CDHR2: variants seen among roughly 807,000 people sequenced by gnomAD.
The protein encoded by CDHR2 is cadherin related family member 2.
In CDHR2, 104 loss-of-function variants were observed where a neutral mutation model predicts 138.6. The ratio of observed to expected loss-of-function variants is 0.75; its 90% CI spans 0.64 to 0.88. The LOEUF is 0.88. Among genes scored for constraint, CDHR2 ranks in the 40% least tolerant of loss-of-function variants. The pLI is 0.00. For synonymous variants in CDHR2, 755 were observed against 742.8 expected, an observed-to-expected ratio of 1.02 and a Z score of -0.27; for missense variants, 1,624 against 1,727.6, an observed-to-expected ratio of 0.94 and a Z score of 1.06.
rs1757867519 is a variant in CDHR2, at chr5:176,557,691, TTTCTTTC to T, written c.-15-7644_-15-7638del. On this transcript the variant is annotated intron_variant, in intron 1 of 31. Transcript: ENST00000261944. The stretch of plus-strand genomic sequence containing the variant: ...GTCATTATCTGTTGATTTTTTTTTC[TTTCTTTC>T]TTTCTTTCTTTCTTTTTTTTTTATT... Among the ~76,000 whole-genome samples, 6 of 33,490 alleles carry T rather than the reference TTTCTTTC, an allele frequency of 1.8e-4. No individual in the cohort carries two copies. The Admixed American group carries it at 2.1e-3, about 12-fold the overall frequency. 22.0% of individuals were successfully genotyped at this position (33,490 alleles called of 152,430 possible).
chr5:176,560,678 C>T (rs567215561), intron 1 of CDHR2, among the ~76,000 whole-genome samples: 1 of 152,358 alleles, frequency 6.6e-6, no homozygotes, highest in East Asian at 1.9e-4. Context: ...CTCACCATTG[C>T]CTTCCCATTG....
intron 1 of CDHR2, among the ~76,000 whole-genome samples, chr5:176,551,296 T>A (rs955747129): frequency 3.3e-5 from 5 of 151,734 alleles, no homozygotes; most frequent in Non-Finnish European, 7.4e-5. Flanking sequence ...GCCTCCCGAA[T>A]AGCTGGGATT....
At chr5:176,571,037 C>CAA (rs535234193) in intron 5 of CDHR2, among the ~76,000 whole-genome samples, 176 bp from the exon 6 acceptor site, 1,532 of 53,270 alleles carry the variant, frequency 0.029, 272 homozygotes, top group Middle Eastern at 0.062. Context: ...CTGGTCTCTA[C>CAA]AAAAAAAAAA....
chr5:176,565,268 A>G, intron 1 of CDHR2, 70 bp from the exon 2 acceptor site: 3 of 1,128,484 alleles, frequency 2.7e-6, no homozygotes, highest in Non-Finnish European at 4.1e-6. Flanking sequence ...GGTCAGACCC[A>G]GGCAGATGGG....
intron 16 of CDHR2, among the ~76,000 whole-genome samples, chr5:176,579,951 C>T (rs967629990): frequency 1.3e-5 from 2 of 152,166 alleles, no homozygotes; most frequent in Non-Finnish European, 1.5e-5. Flanking sequence ...GAAGCGCCAA[C>T]CTGGCCTGGA....
intron 21 of CDHR2, among the ~76,000 whole-genome samples, chr5:176,587,784 G>A (rs1758704460): frequency 1.3e-5 from 2 of 152,180 alleles, no homozygotes; most frequent in South Asian, 4.1e-4. Context: ...TAAGGACAGG[G>A]TCTCTCGGAG....
chr5:176,574,073 C>G lies in CDHR2; in HGVS notation c.406-10C>G, dbSNP rs761268390. On this transcript the variant is annotated splice_polypyrimidine_tract_variant and intron_variant, in intron 6 of 31. Coordinates refer to ENST00000261944, the MANE Select transcript of CDHR2 (RefSeq NM_017675.6). ...ATTTGAGCTCATAGGTGACGAGTCCCTCCCTGCAGACCCTGCCCGTGGGCA... is the reference window on the plus strand; with the variant it reads ...ATTTGAGCTCATAGGTGACGAGTCCGTCCCTGCAGACCCTGCCCGTGGGCA... 1.2e-6 allele frequency: 2 copies of G among 1,611,444 alleles called. No homozygotes were observed. The highest frequency in any genetic ancestry group is 4.5e-5 in the East Asian group (2 of 44,888).
chr5:176,554,665 T>C (rs543500183), intron 1 of CDHR2, among the ~76,000 whole-genome samples: 1 of 152,224 alleles, frequency 6.6e-6, no homozygotes, highest in Admixed American at 6.5e-5. Context: ...TTGTTTTTGT[T>C]TTGTTTTGTT....
exon 1 of CDHR2, chr5:176,542,738 G>C (rs1339803286): frequency 6.6e-6 from 1 of 152,314 alleles, no homozygotes. Flanking sequence ...GACTCTCTCC[G>C]GACCCCGCAG....
At chr5:176,550,736 C>G (rs944864247) in intron 1 of CDHR2, among the ~76,000 whole-genome samples, 8 of 152,184 alleles carry the variant, frequency 5.3e-5, no homozygotes, top group Non-Finnish European at 1.2e-4. Context: ...ACCCCGGGGG[C>G]TCCCCACACT....
Position 176,584,754 on chromosome 5 carries a change from C to T in CDHR2, c.2473C>T (p.His825Tyr). 1 of 1,614,216 alleles carries T rather than the reference C, an allele frequency of 6.2e-7. No individual in the cohort carries two copies. ...CCGTGTGGCTGAGAATGGCTCACAG[C>T]ACGGCCAGGTGGCTGTGGTGGTTGC... Reference protein sequence around the residue: ...GIRVAENGSQHGQVAVVVASD... With the variant: ...GIRVAENGSQYGQVAVVVASD... Residue 825 changes from histidine (H) to tyrosine (Y), a missense_variant, in exon 19 of 32, where the codon CAC (histidine) becomes TAC (tyrosine). His to Tyr is a moderately conservative substitution (Grantham distance 83). Around this residue, in one of 3 missense-constraint regions of CDHR2, gnomAD observed 1,061 missense variants for 1,136.6 expected, o/e 0.93. Coordinates refer to ENST00000261944, the MANE Select transcript of CDHR2 (RefSeq NM_017675.6).
chr5:176,547,071 C>T (rs570418446), upstream of CDHR2, among the ~76,000 whole-genome samples: 3 of 151,976 alleles, frequency 2.0e-5, no homozygotes, highest in South Asian at 2.1e-4. Context: ...CTCTGCCTCC[C>T]GGGTTCAAGT....
chr5:176,582,425 CACAA>C (rs1486790233), intron 17 of CDHR2, among the ~76,000 whole-genome samples: 1 of 152,116 alleles, frequency 6.6e-6, no homozygotes, highest in Non-Finnish European at 1.5e-5. Context: ...AACTCAGCCT[CACAA>C]AATGCTGGGA....
chr5:176,580,253 G>A (rs967638214), intron 16 of CDHR2, among the ~76,000 whole-genome samples: 22 of 152,246 alleles, frequency 1.4e-4, no homozygotes, highest in African/African-American at 5.1e-4. Flanking sequence ...TGACGGCCGG[G>A]CATGGTGGCT....
intron 21 of CDHR2, among the ~76,000 whole-genome samples, chr5:176,588,701 CTG>C (rs1317419827): frequency 5.1e-5 from 6 of 118,808 alleles, no homozygotes; most frequent in South Asian, 5.4e-4. Flanking sequence ...GTGAGAGAGA[CTG>C]TGTGTGTGAG....
At chr5:176,586,396 G>A (rs573630779) in intron 20 of CDHR2, among the ~76,000 whole-genome samples, 50 of 152,296 alleles carry the variant, frequency 3.3e-4, no homozygotes, top group Admixed American at 1.8e-3. Flanking sequence ...GGGTTTCATT[G>A]TGTTGGCCAG....
chr5:176,564,535 A>T (rs1032915553), intron 1 of CDHR2, among the ~76,000 whole-genome samples: 4 of 152,196 alleles, frequency 2.6e-5, no homozygotes, highest in Admixed American at 2.0e-4. Flanking sequence ...TCTCTCTGTG[A>T]CAGTGAATCA....
intron 1 of CDHR2, among the ~76,000 whole-genome samples, chr5:176,563,784 T>G (rs1252535131): frequency 6.6e-6 from 1 of 152,230 alleles, no homozygotes; most frequent in Non-Finnish European, 1.5e-5. Flanking sequence ...GTGGGGCCGT[T>G]TAGTCAGTGG....
intron 1 of CDHR2, among the ~76,000 whole-genome samples, chr5:176,557,173 G>A (rs1420874648): frequency 1.6e-5 from 2 of 124,720 alleles, no homozygotes; most frequent in Admixed American, 8.6e-5. Flanking sequence ...GCACCATGGC[G>A]CCTGGCCTGT....
Sources: allele counts gnomAD v4.1 joint callset (sites outside exome capture counted in the v4.1 genomes callset), GRCh38; gene constraint gnomAD v4.1.1; regional missense constraint gnomAD v4.1.1; transcripts MANE v1.5; gene names NCBI Gene and HGNC (gene_info 2026-07-23, HGNC 2026-07-21).